Variants in DENND2C observed in about 807,000 individuals in gnomAD.
DENND2C encodes the protein DENN domain containing 2C.
A neutral mutation model predicts 112.4 loss-of-function variants in DENND2C; 72 were observed. The observed-to-expected ratio is 0.64, with a 90% CI of 0.53 to 0.78. The LOEUF (loss-of-function observed/expected upper bound fraction) is 0.78, where lower values mean the gene tolerates loss of function less well. Among genes scored for constraint, DENND2C ranks in the 30% least tolerant of loss-of-function variants. DENND2C has a pLI of 0.00. For synonymous variants in DENND2C, 329 were observed against 381.6 expected (o/e 0.86, Z 1.61); for missense variants, 992 against 1,113.8 (o/e 0.89, Z 1.56).
intron 1 of DENND2C, among the ~76,000 whole-genome samples, chr1:114,662,163 A>AT: frequency 1.3e-5 from 2 of 152,336 alleles, no homozygotes; most frequent in African/African-American, 4.8e-5. Context: ...CTCTATTATT[A>AT]TAGCCTTAAT....
intron 15 of DENND2C, 118 bp from the exon 16 acceptor site, chr1:114,599,569 T>C (rs1037821707): frequency 7.4e-5 from 57 of 774,904 alleles, no homozygotes; most frequent in Non-Finnish European, 9.4e-5. Flanking sequence ...TTAAAAACTA[T>C]GCAAACAGTC....
chr1:114,600,883 A>G lies in DENND2C; in HGVS notation c.1893T>C (p.Ala631=). ...TGGTGCGTCCAGGAGCTGGGAAAGG[A>G]GCTTCCATGACACTTCGCATGAATG... ...VYPFMRSVME[A]PFPAPGRTIT... is the part of the protein sequence containing the mutation. The change falls in exon 14 of 21, where the codon GCT becomes GCC. Residue 631 remains alanine (A), a synonymous_variant. Transcript: ENST00000393274. 1 of 1,614,098 alleles carries G rather than the reference A, an allele frequency of 6.2e-7. No individual in the cohort carries two copies. Among genetic ancestry groups the G allele is most frequent in the South Asian group, 1.1e-5 (1 of 91,080 alleles).
intron 1 of DENND2C, among the ~76,000 whole-genome samples, chr1:114,665,518 C>T (rs1657624421): frequency 6.6e-6 from 1 of 152,152 alleles, no homozygotes; most frequent in Non-Finnish European, 1.5e-5. Context: ...CAGTACCCTC[C>T]TTAACTTATG....
intron 1 of DENND2C, among the ~76,000 whole-genome samples, chr1:114,666,423 C>T (rs371196501): frequency 6.6e-6 from 1 of 152,184 alleles, no homozygotes; most frequent in South Asian, 2.1e-4. Flanking sequence ...TCTTCAAGAC[C>T]TAGCATCAGA....
intron 16 of DENND2C, among the ~76,000 whole-genome samples, chr1:114,596,750 GT>G (rs146259593): frequency 0.19 from 28,694 of 151,708 alleles, 3,624 homozygotes; most frequent in Non-Finnish European, 0.28. Context: ...AAAATAAAAA[GT>G]TTTTTTTTAA....
intron 1 of DENND2C, among the ~76,000 whole-genome samples, chr1:114,662,992 G>A (rs776861064): frequency 6.6e-4 from 100 of 152,078 alleles, no homozygotes; most frequent in Admixed American, 1.3e-3. Context: ...GAGGGAAAAG[G>A]AAAGGGAGGA....
Position 114,625,837 on chromosome 1 carries a change from A to G in DENND2C, c.148T>C (p.Tyr50His). ...KWCPKDFGVR[Y>H]NCHQEIRLKK... ...AGACGGATCTCTTGGTGACAGTTATATCTCACTCCAAAGTCCTTTGGACAC... is the reference window on the plus strand; with the variant it reads ...AGACGGATCTCTTGGTGACAGTTATGTCTCACTCCAAAGTCCTTTGGACAC... The change falls in exon 4 of 21, where the codon TAT (tyrosine) becomes CAT (histidine). Residue 50 changes from tyrosine (Y) to histidine (H), a missense_variant. Around this residue, in one of 3 missense-constraint regions of DENND2C, gnomAD observed 470 missense variants for 472.7 expected, o/e 0.99. Coordinates refer to ENST00000393274, the MANE Select transcript of DENND2C (RefSeq NM_001256404.2). 6.2e-7 allele frequency: 1 copy of G among 1,614,106 alleles called. No homozygotes were observed.
intron 3 of DENND2C, among the ~76,000 whole-genome samples, chr1:114,627,582 CAA>C (rs5777200): frequency 1.4e-5 from 2 of 144,196 alleles, no homozygotes; most frequent in African/African-American, 2.5e-5. Flanking sequence ...TAGTCTGACG[CAA>C]AAAAAAAAAA....
chr1:114,665,620 C>T (rs778867303), intron 1 of DENND2C, among the ~76,000 whole-genome samples: 3 of 152,140 alleles, frequency 2.0e-5, no homozygotes, highest in Non-Finnish European at 4.4e-5. Context: ...AGACATAACC[C>T]TATCGAAAAT....
intron 17 of DENND2C, 147 bp downstream of exon 17, chr1:114,595,685 T>C (rs773601141): frequency 1.9e-5 from 13 of 681,748 alleles, no homozygotes; most frequent in African/African-American, 1.1e-4. Flanking sequence ...TCTTGCATGA[T>C]TGGCCATGGT....
At chr1:114,655,883 A>AATATATAT (rs10525704) in intron 1 of DENND2C, among the ~76,000 whole-genome samples, 32,323 of 125,566 alleles carry the variant, frequency 0.26, 4,168 homozygotes, top group Non-Finnish European at 0.36. Flanking sequence ...TATATGTATA[A>AATATATAT]ATATATATAT....
chr1:114,595,725 G>T, intron 17 of DENND2C, 107 bp downstream of exon 17: 2 of 1,030,778 alleles, frequency 1.9e-6, no homozygotes, highest in Non-Finnish European at 1.5e-6. Context: ...GGAACTAAAA[G>T]TTTTGCCTGA....
At chr1:114,654,055 G>A (rs779304208) in intron 2 of DENND2C, among the ~76,000 whole-genome samples, 1 of 152,114 alleles carries the variant, frequency 6.6e-6, no homozygotes, top group Non-Finnish European at 1.5e-5. Context: ...ATATGGATAC[G>A]CACCAAAAAG....
chr1:114,664,967 G>A (rs978472251), intron 1 of DENND2C, among the ~76,000 whole-genome samples: 8 of 151,786 alleles, frequency 5.3e-5, no homozygotes, highest in South Asian at 4.2e-4. Flanking sequence ...GGTGGTGTGC[G>A]CCTGTAGTCC....
In DENND2C at chr1:114,585,203, GTCTC is replaced by G; in HGVS notation, c.*393_*396del. The stretch of plus-strand genomic sequence containing the variant: ...GGCTAGTGTTCTCCATTTCCATCAT[GTCTC>G]TCTACTACCTTAAACTCAGCATTTC... On this transcript the variant is annotated 3_prime_UTR_variant, in exon 21 of 21. Transcript: ENST00000393274. The G allele has an allele frequency of 5.1e-6, 1 of 195,594 alleles. No individual in the cohort carries two copies. The highest frequency in any genetic ancestry group is 2.3e-3 in the Middle Eastern group (1 of 432). The allele number at this position is 195,594 out of a possible 1,614,324, so 12.1% of individuals were successfully genotyped here.
At chr1:114,646,310 G>A (rs1167699775) in intron 2 of DENND2C, among the ~76,000 whole-genome samples, 1 of 152,112 alleles carries the variant, frequency 6.6e-6, no homozygotes. Flanking sequence ...ACAACCACTT[G>A]TCATTACAGA....
intron 18 of DENND2C, among the ~76,000 whole-genome samples, chr1:114,594,236 G>A (rs1219683907): frequency 1.3e-5 from 2 of 152,204 alleles, no homozygotes; most frequent in Non-Finnish European, 2.9e-5. Flanking sequence ...AAGGGCAGGA[G>A]TCATGTGGAT....
intron 3 of DENND2C, among the ~76,000 whole-genome samples, chr1:114,637,611 GGTTC>G (rs1284045378): frequency 3.3e-5 from 5 of 151,726 alleles, no homozygotes; most frequent in Non-Finnish European, 7.4e-5. Flanking sequence ...CAACCTCTCG[GGTTC>G]AAGCAATTCT....
chr1:114,659,030 T>C (rs1355296648), intron 1 of DENND2C, among the ~76,000 whole-genome samples: 2 of 152,172 alleles, frequency 1.3e-5, no homozygotes, highest in African/African-American at 4.8e-5. Flanking sequence ...CTGGCTAAGA[T>C]CAAGTGTATT....
Sources: allele counts gnomAD v4.1 joint callset (sites outside exome capture counted in the v4.1 genomes callset), GRCh38; gene constraint gnomAD v4.1.1; regional missense constraint gnomAD v4.1.1; transcripts MANE v1.5; gene names NCBI Gene and HGNC (gene_info 2026-07-23, HGNC 2026-07-21).